The following COL17A1 variants were observed in gnomAD, a reference collection of about 807,000 sequenced individuals.
COL17A1 encodes the protein collagen alpha-1(XVII) chain.
Under a neutral mutation model 218.4 loss-of-function variants are expected in COL17A1, and 181 were observed. The ratio of observed to expected loss-of-function variants is 0.83; its 90% confidence interval spans 0.73 to 0.94. The LOEUF (loss-of-function observed/expected upper bound fraction) is 0.94, where lower values mean the gene tolerates loss of function less well. Among genes scored for constraint, COL17A1 ranks in the 40% least tolerant of loss-of-function variants. The probability of loss-of-function intolerance (pLI) is 0.00; values close to 1 mark genes in which losing one functional copy is unlikely to be tolerated. For missense variants in COL17A1, 1,924 were observed against 1,945.9 expected (o/e 0.99, Z 0.21); for synonymous variants, 721 against 731.0 (o/e 0.99, Z 0.22).
chr10:104,076,515 G>A, intron 4 of COL17A1, 86 bp from the exon 5 acceptor site: 4 of 1,589,446 alleles, frequency 2.5e-6, no homozygotes, highest in South Asian at 1.1e-5. Flanking sequence ...TATTAACCAA[G>A]TACACTCAGG....
chr10:104,069,308 A>G (rs1373058328), intron 9 of COL17A1, among the ~76,000 whole-genome samples: 1 of 152,220 alleles, frequency 6.6e-6, no homozygotes, highest in Non-Finnish European at 1.5e-5. Flanking sequence ...TCTTAAAACA[A>G]ATTATACCTA....
Position 104,041,665 on chromosome 10 carries a change from C to T in COL17A1, c.2552-127G>A, listed in dbSNP as rs888019108. The T allele has an allele frequency of 4.9e-5, 38 of 778,976 alleles. 1 individual carries two copies. Among genetic ancestry groups the T allele is most frequent in the Non-Finnish European group, 8.0e-5 (37 of 464,108 alleles). 48.3% of individuals were successfully genotyped at this position (778,976 alleles called of 1,614,324 possible). A position where few individuals can be genotyped will look rare whatever the true frequency, so the allele number is the denominator to read the frequency against. ...CTACCCTCACAGCCCAGACACCAGGCCCTGTGTCATGGCACAAGAGCCTGC... is the reference window on the plus strand; with the variant it reads ...CTACCCTCACAGCCCAGACACCAGGTCCTGTGTCATGGCACAAGAGCCTGC... On this transcript the variant is annotated intron_variant, in intron 36 of 55. Coordinates refer to ENST00000648076, the MANE Select transcript of COL17A1 (RefSeq NM_000494.4).
At chr10:104,036,465 C>G in intron 48 of COL17A1, 27 bp downstream of exon 48, 1 of 1,613,626 alleles carries the variant, frequency 6.2e-7, no homozygotes, top group Non-Finnish European at 8.5e-7. Context: ...CAGGCCCTTC[C>G]CAACCACCCC....
At chr10:104,043,612 C>G (rs758017737) in intron 34 of COL17A1, 31 bp from the exon 35 acceptor site, 1 of 1,611,646 alleles carries the variant, frequency 6.2e-7, no homozygotes, top group Non-Finnish European at 8.5e-7. Flanking sequence ...GAACATTGAG[C>G]CCTACTTTTC....
chr10:104,064,891 G>T (rs981229634), intron 9 of COL17A1, among the ~76,000 whole-genome samples: 13 of 152,172 alleles, frequency 8.5e-5, no homozygotes, highest in African/African-American at 3.1e-4. Context: ...CCATCTCCTG[G>T]TGGGCTGTCC....
chr10:104,073,080 C>A (rs1036712876), intron 7 of COL17A1, 130 bp downstream of exon 7: 2 of 881,854 alleles, frequency 2.3e-6, no homozygotes, highest in Admixed American at 1.7e-5. Context: ...CTAAGCTCCT[C>A]GAAAGCAGAA....
At chr10:104,033,147 G>A in intron 53 of COL17A1, 91 bp downstream of exon 53, 1 of 1,540,770 alleles carries the variant, frequency 6.5e-7, no homozygotes. Flanking sequence ...TTAATAACTG[G>A]AGATTTCTCA....
chr10:104,083,224 G>T (rs1012037550), intron 1 of COL17A1, among the ~76,000 whole-genome samples: 1 of 152,196 alleles, frequency 6.6e-6, no homozygotes, highest in African/African-American at 2.4e-5. Flanking sequence ...TTTAAGTGCT[G>T]ATAGTTTTTA....
At chr10:104,072,393 T>A (rs2086676672) in intron 7 of COL17A1, among the ~76,000 whole-genome samples, 1 of 152,244 alleles carries the variant, frequency 6.6e-6, no homozygotes, top group African/African-American at 2.4e-5. Context: ...ACCTCATGGC[T>A]GCCAGAACCA....
chr10:104,036,681 C>T (rs575703633), intron 47 of COL17A1, 49 bp from the exon 48 acceptor site: 12 of 1,606,526 alleles, frequency 7.5e-6, no homozygotes, highest in East Asian at 4.5e-5. Context: ...CCATGGGGGT[C>T]GCAGCCATGA....
chr10:104,034,340 G>C lies in COL17A1; in HGVS notation c.3767-6C>G, dbSNP rs760163289. On this transcript the variant is annotated splice_region_variant and splice_polypyrimidine_tract_variant and intron_variant, in intron 51 of 55. Coordinates refer to ENST00000648076, the MANE Select transcript of COL17A1 (RefSeq NM_000494.4). Reference sequence around the variant, plus strand: ...GAAGCTGCGCACATCAGGACCTGCAGGGTGAGAAGCTGCATGAGTGGGAGC... The same window carrying C: ...GAAGCTGCGCACATCAGGACCTGCACGGTGAGAAGCTGCATGAGTGGGAGC... The C allele has an allele frequency of 1.3e-6, 2 of 1,548,602 alleles. No individual in the cohort carries two copies. The highest frequency in any genetic ancestry group is 8.7e-7 in the Non-Finnish European group (1 of 1,153,874).
Position 104,035,329 on chromosome 10 carries a change from G to T in COL17A1, c.3553C>A (p.Pro1185Thr). ...CACACATTGCCTGGGATCCCTGGTGGACCCGGGGGACCTGGGGGTCCAACG... is the reference window on the plus strand; with the variant it reads ...CACACATTGCCTGGGATCCCTGGTGTACCCGGGGGACCTGGGGGTCCAACG... ...GIVGPPGPPGPPGIPGNVWSS... is the reference protein window; with the variant it reads ...GIVGPPGPPGTPGIPGNVWSS... The change falls in exon 50 of 56, where the codon CCA becomes ACA. Residue 1185 changes from proline to threonine, a missense_variant. By Grantham distance (38) the Pro-to-Thr change is conservative. Transcript: ENST00000648076. 6.2e-7 allele frequency: 1 copy of T among 1,614,196 alleles called. No individual in the cohort carries two copies. The highest frequency in any genetic ancestry group is 8.5e-7 in the Non-Finnish European group (1 of 1,180,024).
chr10:104,050,832 C>T lies in COL17A1; in HGVS notation c.2092+16G>A, dbSNP rs373869223. The T allele has an allele frequency of 1.1e-5, 18 of 1,614,012 alleles. 1 individual carries two copies. In the Middle Eastern group the frequency reaches 1.3e-3, roughly 118 times the overall value. Reference sequence around the variant, plus strand: ...ATCAGACCCTCACTGTCCCCCCAGGCCTCCCTCCAGCTTACCTTTGACACC... The same window carrying T: ...ATCAGACCCTCACTGTCCCCCCAGGTCTCCCTCCAGCTTACCTTTGACACC... On this transcript the variant is annotated intron_variant, in intron 26 of 55. Transcript: ENST00000648076.
At position 104,077,492 on chromosome 10, in the gene COL17A1, G is replaced by A; in HGVS notation, c.132C>T (p.Ala44=). 1 of 1,613,414 alleles carries A rather than the reference G, an allele frequency of 6.2e-7. No homozygotes were observed. The highest frequency in any genetic ancestry group is 8.5e-7 in the Non-Finnish European group (1 of 1,179,842). ...GGTSNGYAKT[A]SLGGGSRLEK... ...CCAGCCGGCTCCCTCCACCAAGAGA[G>A]GCTGTTTTAGCATAGCCATTGCTGG... The change falls in exon 4 of 56, where the codon GCC becomes GCT. Residue 44 remains alanine (A), a synonymous_variant. Coordinates refer to ENST00000648076, the MANE Select transcript of COL17A1 (RefSeq NM_000494.4).
intron 9 of COL17A1, among the ~76,000 whole-genome samples, chr10:104,067,567 C>T (rs1172263654): frequency 1.3e-5 from 2 of 152,056 alleles, no homozygotes; most frequent in Non-Finnish European, 2.9e-5. Context: ...ATCTTGCAGA[C>T]GGACAGAGGG....
intron 29 of COL17A1, among the ~76,000 whole-genome samples, chr10:104,048,841 TG>T (rs999968963): frequency 1.3e-5 from 2 of 150,584 alleles, no homozygotes; most frequent in Admixed American, 1.3e-4. Flanking sequence ...TTTTTTTTTT[TG>T]GTTTTTTTTT....
rs781309998 is a variant in COL17A1, at chr10:104,062,262, G to A, written c.906C>T (p.Ser302=). 2.5e-6 allele frequency: 4 copies of A among 1,614,218 alleles called. No homozygotes were observed. Among genetic ancestry groups the A allele is most frequent in the Middle Eastern group, 1.6e-4 (1 of 6,062 alleles). The stretch of plus-strand genomic sequence containing the variant: ...CTCCAACCCTAGCCTACTGACCTGT[G>A]GAAGTGGTGGTGGTGCCATGGGACA... ...TTLSHGTTTT[S]TAYGVKKNMP... Residue 302 remains serine (S), a synonymous_variant, in exon 12 of 56, where the codon TCC becomes TCT. Coordinates refer to ENST00000648076, the MANE Select transcript of COL17A1 (RefSeq NM_000494.4).
chr10:104,047,914 T>C (rs778413239), intron 30 of COL17A1, 104 bp from the exon 31 acceptor site: 37 of 1,380,832 alleles, frequency 2.7e-5, no homozygotes, highest in Non-Finnish European at 3.6e-5. Flanking sequence ...ATTGACTTGC[T>C]GGCAGGTGGA....
chr10:104,082,521 A>G (rs141223409), intron 1 of COL17A1, among the ~76,000 whole-genome samples: 92 of 152,342 alleles, frequency 6.0e-4, no homozygotes, highest in African/African-American at 2.1e-3. Context: ...CTAGCTTTCT[A>G]GGATGGTACC....
Sources: allele counts gnomAD v4.1 joint callset (sites outside exome capture counted in the v4.1 genomes callset), GRCh38; gene constraint gnomAD v4.1.1; transcripts MANE v1.5; gene names NCBI Gene and HGNC (gene_info 2026-07-23, HGNC 2026-07-21).